The following ANKRD36 variants were observed in gnomAD, a reference collection of about 807,000 sequenced individuals.
The protein encoded by ANKRD36 is ankyrin repeat domain 36.
ANKRD36 carries 179 observed loss-of-function variants against 278.1 expected under a neutral mutation model. The ratio of observed to expected loss-of-function variants is 0.64; its 90% confidence interval spans 0.57 to 0.73. The LOEUF (loss-of-function observed/expected upper bound fraction) is 0.73, where lower values mean the gene tolerates loss of function less well. Ranked by LOEUF, ANKRD36 falls within the 30% of genes least tolerant of loss-of-function variation. The pLI, the probability that ANKRD36 is intolerant of heterozygous loss-of-function variation, is 0.00. For missense variants in ANKRD36, 1,159 were observed against 1,956.7 expected, an observed-to-expected ratio of 0.59 and a Z score of 7.69; for synonymous variants, 320 against 641.1, an observed-to-expected ratio of 0.50 and a Z score of 7.57.
At chr2:97,208,648 A>T (rs1457726146) in intron 54 of ANKRD36, among the ~76,000 whole-genome samples, 2 of 146,468 alleles carry the variant, frequency 1.4e-5, no homozygotes, top group Non-Finnish European at 3.0e-5. Flanking sequence ...CACCACACTG[A>T]CCCATTACTC....
chr2:97,128,493 C>A (rs1191948836), intron 6 of ANKRD36, among the ~76,000 whole-genome samples: 1 of 151,600 alleles, frequency 6.6e-6, no homozygotes, highest in Non-Finnish European at 1.5e-5. Flanking sequence ...AGCTCTTTGG[C>A]GGTACCCTTT....
intron 4 of ANKRD36, among the ~76,000 whole-genome samples, chr2:97,123,946 A>G (rs1046970542): frequency 9.1e-6 from 1 of 109,888 alleles, no homozygotes; most frequent in African/African-American, 2.8e-5. Flanking sequence ...ATATATTATT[A>G]TCCTCCATAT....
rs375602029 is a variant in ANKRD36, at chr2:97,118,395, G to A, written c.364G>A (p.Ala122Thr). Residue 122 changes from alanine (A) to threonine (T), a missense_variant, in exon 3 of 76, where the codon GCC becomes ACC. Coordinates refer to ENST00000420699, the MANE Select transcript of ANKRD36 (RefSeq NM_001354587.1). ...ACATLLLQNGANPNITDFFGR... is the reference protein window; with the variant it reads ...ACATLLLQNGTNPNITDFFGR... ...TGCAACTCTTCTGCTGCAAAATGGC[G>A]CCAATCCAAATATTACGGATTTCTT... The A allele has an allele frequency of 2.7e-5, 44 of 1,608,352 alleles. 1 individual carries two copies. Among genetic ancestry groups the A allele is most frequent in the South Asian group, 7.8e-5 (7 of 89,630 alleles).
intron 34 of ANKRD36, among the ~76,000 whole-genome samples, chr2:97,190,758 T>C (rs1282230653): frequency 6.6e-6 from 1 of 151,702 alleles, no homozygotes; most frequent in African/African-American, 2.4e-5. Context: ...TGACGAATCA[T>C]ACCATGTTTG....
chr2:97,150,857 T>C (rs1228616289), intron 12 of ANKRD36, among the ~76,000 whole-genome samples: 1 of 152,146 alleles, frequency 6.6e-6, no homozygotes, highest in African/African-American at 2.4e-5. Context: ...GGTGTTAAGT[T>C]GCTGGAATTT....
At position 97,181,663 on chromosome 2, in the gene ANKRD36, T is replaced by C. The variant is rs2443853; in HGVS notation, c.1764+37T>C. 4.4e-5 allele frequency: 70 copies of C among 1,604,482 alleles called. 1 individual carries two copies. The highest frequency in any genetic ancestry group is 3.3e-4 in the African/African-American group (25 of 74,694). ...CTCATTTATATGTTGAACTATTAAC[T>C]GTATAGTCTATGAAACCTACTTTAC... On this transcript the variant is annotated intron_variant, in intron 25 of 75. Coordinates refer to ENST00000420699, the MANE Select transcript of ANKRD36 (RefSeq NM_001354587.1).
intron 40 of ANKRD36, among the ~76,000 whole-genome samples, chr2:97,195,741 G>C (rs1221759819): frequency 6.6e-6 from 1 of 151,906 alleles, no homozygotes; most frequent in African/African-American, 2.4e-5. Context: ...TGCCAACAAG[G>C]GTATTCTAGA....
At chr2:97,166,134 A>G (rs1276887924) in intron 20 of ANKRD36, among the ~76,000 whole-genome samples, 2 of 152,018 alleles carry the variant, frequency 1.3e-5, no homozygotes, top group African/African-American at 4.8e-5. Context: ...TGTGTACATA[A>G]AAGTGTTTAT....
chr2:97,177,329 T>G (rs905845568), intron 22 of ANKRD36, among the ~76,000 whole-genome samples: 1 of 151,812 alleles, frequency 6.6e-6, no homozygotes, highest in African/African-American at 2.4e-5. Flanking sequence ...AAAAACTACT[T>G]TAAAGTTCAT....
Position 97,118,404 on chromosome 2 carries a change from A to C in ANKRD36, c.373A>C (p.Asn125His), listed in dbSNP as rs536764554. The C allele has an allele frequency of 6.2e-7, 1 of 1,607,982 alleles. No individual in the cohort carries two copies. The highest frequency in any genetic ancestry group is 8.5e-7 in the Non-Finnish European group (1 of 1,177,684). ...TCTGCTGCAAAATGGCGCCAATCCA[A>C]ATATTACGGATTTCTTTGGAAGGAC... ...TLLLQNGANP[N>H]ITDFFGRTAL... Residue 125 changes from asparagine (N) to histidine (H), a missense_variant, in exon 3 of 76, where the codon AAT becomes CAT. Asn to His is a moderately conservative substitution (Grantham distance 68). Coordinates refer to ENST00000420699, the MANE Select transcript of ANKRD36 (RefSeq NM_001354587.1).
At chr2:97,242,337 AT>A (rs1369569726) in intron 69 of ANKRD36, among the ~76,000 whole-genome samples, 2 of 152,026 alleles carry the variant, frequency 1.3e-5, no homozygotes, top group African/African-American at 4.8e-5. Context: ...TATGCAGGGA[AT>A]GAAAAGTAAA....
At chr2:97,208,186 C>T (rs557274053) in intron 54 of ANKRD36, among the ~76,000 whole-genome samples, 180 bp downstream of exon 54, 16 of 146,388 alleles carry the variant, frequency 1.1e-4, no homozygotes, top group South Asian at 6.3e-4. Flanking sequence ...ACATGATCTT[C>T]GCAGTAAGAT....
At chr2:97,184,368 T>C (rs187528871) in intron 28 of ANKRD36, among the ~76,000 whole-genome samples, 1 of 151,800 alleles carries the variant, frequency 6.6e-6, no homozygotes. Flanking sequence ...TTCAAATGAG[T>C]TAAAATTTAA....
chr2:97,189,318 A>C, intron 34 of ANKRD36, 28 bp downstream of exon 34: 1 of 611,254 alleles, frequency 1.6e-6, no homozygotes, highest in East Asian at 3.8e-5. Flanking sequence ...ATTCAATGTC[A>C]TGTTCAATCC....
At chr2:97,187,302 T>C (rs1284566429) in intron 31 of ANKRD36, 27 bp from the exon 32 acceptor site, 3 of 1,596,902 alleles carry the variant, frequency 1.9e-6, no homozygotes, top group Non-Finnish European at 2.6e-6. Context: ...TTTATTTATT[T>C]ATTATTTTCT....
chr2:97,129,222 A>G (rs759616762), intron 6 of ANKRD36, among the ~76,000 whole-genome samples: 2 of 152,126 alleles, frequency 1.3e-5, no homozygotes, highest in Admixed American at 1.3e-4. Flanking sequence ...TCTGATGGCC[A>G]GTGGTGATGA....
intron 64 of ANKRD36, among the ~76,000 whole-genome samples, chr2:97,217,834 A>C (rs2066371154): frequency 6.6e-6 from 1 of 151,570 alleles, no homozygotes; most frequent in African/African-American, 2.4e-5. Context: ...TATTTTCATC[A>C]AGAAAGAGGG....
At chr2:97,212,808 A>G (rs2065015647) in intron 58 of ANKRD36, 1 of 177,422 alleles carries the variant, frequency 5.6e-6, no homozygotes, top group African/African-American at 2.4e-5. Context: ...GAGTGGATAC[A>G]AGAAACTTAG....
intron 64 of ANKRD36, 44 bp from the exon 65 acceptor site, chr2:97,219,006 C>T (rs1301264944): frequency 1.3e-6 from 2 of 1,534,412 alleles, no homozygotes; most frequent in Non-Finnish European, 1.8e-6. Context: ...GTTGGCCTTA[C>T]CATATTTACA....
Sources: allele counts gnomAD v4.1 joint callset (sites outside exome capture counted in the v4.1 genomes callset), GRCh38; gene constraint gnomAD v4.1.1; transcripts MANE v1.5; gene names NCBI Gene and HGNC (gene_info 2026-07-23, HGNC 2026-07-21).